SPATA16: variants seen among roughly 807,000 people sequenced by gnomAD.
The protein encoded by SPATA16 is spermatogenesis associated 16.
SPATA16 carries 36 observed loss-of-function variants against 63.3 expected under a neutral mutation model. The observed-to-expected ratio is 0.57, with a 90% CI of 0.44 to 0.75. The LOEUF is 0.75. Ranked by LOEUF, SPATA16 falls within the 30% of genes least tolerant of loss-of-function variation. SPATA16 has a pLI of 0.00. For synonymous variants in SPATA16, 203 were observed against 216.7 expected (o/e 0.94, Z 0.56); for missense variants, 646 against 679.3 (o/e 0.95, Z 0.54).
At chr3:172,932,481 A>C (rs1344681791) in intron 6 of SPATA16, among the ~76,000 whole-genome samples, 1 of 152,156 alleles carries the variant, frequency 6.6e-6, no homozygotes, top group Non-Finnish European at 1.5e-5. Flanking sequence ...TTTACTGATC[A>C]GTTTCAGACT....
chr3:173,104,892 A>G (rs910048241), intron 2 of SPATA16, among the ~76,000 whole-genome samples: 7 of 152,062 alleles, frequency 4.6e-5, no homozygotes, highest in Non-Finnish European at 8.8e-5. Context: ...TCAGCCCATC[A>G]TTTTGCATTT....
chr3:173,097,792 G>A (rs900945251), intron 2 of SPATA16, among the ~76,000 whole-genome samples: 1 of 152,176 alleles, frequency 6.6e-6, no homozygotes, highest in African/African-American at 2.4e-5. Flanking sequence ...ACTTCCAGCA[G>A]AGTTGAAAAA....
chr3:172,951,382 CAT>C (rs890344284), intron 6 of SPATA16, among the ~76,000 whole-genome samples: 1 of 151,802 alleles, frequency 6.6e-6, no homozygotes, highest in African/African-American at 2.4e-5. Flanking sequence ...TCATCAGTCT[CAT>C]AGAAATTATA....
intron 2 of SPATA16, among the ~76,000 whole-genome samples, chr3:173,059,086 C>T (rs1736315436): frequency 6.6e-6 from 1 of 151,978 alleles, no homozygotes; most frequent in Non-Finnish European, 1.5e-5. Flanking sequence ...TTCAGAATGC[C>T]TGTGTGCTAG....
chr3:172,924,507 C>T (rs1483515473), intron 7 of SPATA16, among the ~76,000 whole-genome samples, 190 bp from the exon 8 acceptor site: 1 of 152,148 alleles, frequency 6.6e-6, no homozygotes. Flanking sequence ...AGAGGAGATG[C>T]TGCCCTTTCG....
At chr3:172,955,987 TGTG>T (rs1366450102) in intron 6 of SPATA16, among the ~76,000 whole-genome samples, 2 of 152,148 alleles carry the variant, frequency 1.3e-5, no homozygotes, top group Non-Finnish European at 1.5e-5. Context: ...AATAGAAGGA[TGTG>T]ATATCAGGTG....
At chr3:173,120,928 A>G (rs1738047293) in intron 1 of SPATA16, among the ~76,000 whole-genome samples, 1 of 151,930 alleles carries the variant, frequency 6.6e-6, no homozygotes, top group Admixed American at 6.5e-5. Flanking sequence ...GCAGTTTTAC[A>G]CAAGAAAAAA....
intron 3 of SPATA16, among the ~76,000 whole-genome samples, chr3:173,040,437 TAG>T (rs1443119682): frequency 1.3e-5 from 2 of 152,146 alleles, no homozygotes; most frequent in African/African-American, 2.4e-5. Context: ...CGTATTTTAG[TAG>T]AGTCTCGTGA....
At chr3:172,982,934 CA>C (rs113862600) in intron 4 of SPATA16, among the ~76,000 whole-genome samples, 5 of 151,400 alleles carry the variant, frequency 3.3e-5, no homozygotes, top group Admixed American at 6.6e-5. Flanking sequence ...TATGGGTAAA[CA>C]AAAAAAAATC....
chr3:173,016,252 C>T (rs1215336755), intron 4 of SPATA16, among the ~76,000 whole-genome samples: 1 of 152,128 alleles, frequency 6.6e-6, no homozygotes, highest in Non-Finnish European at 1.5e-5. Context: ...GCATATTGAC[C>T]TGTAAAATAA....
intron 2 of SPATA16, among the ~76,000 whole-genome samples, chr3:173,061,210 A>G (rs1379889828): frequency 6.6e-6 from 1 of 152,222 alleles, no homozygotes; most frequent in African/African-American, 2.4e-5. Context: ...TGAGATTAAC[A>G]TTTGTACGTG....
At chr3:173,009,300 G>A (rs1286518918) in intron 4 of SPATA16, among the ~76,000 whole-genome samples, 1 of 152,216 alleles carries the variant, frequency 6.6e-6, no homozygotes, top group African/African-American at 2.4e-5. Flanking sequence ...GAGGAGCAAA[G>A]CAGGACAGCC....
chr3:173,041,637 G>T (rs1237680278), intron 3 of SPATA16, among the ~76,000 whole-genome samples: 1 of 151,938 alleles, frequency 6.6e-6, no homozygotes. Context: ...ACTGGCACCC[G>T]CAATGTTCCC....
intron 2 of SPATA16, among the ~76,000 whole-genome samples, chr3:173,087,633 T>C (rs915502575): frequency 3.9e-5 from 6 of 152,176 alleles, no homozygotes; most frequent in Non-Finnish European, 7.4e-5. Flanking sequence ...GTCTGTGTAC[T>C]TCATTGTGTT....
At chr3:172,889,855 T>G (rs1328113757) in intron 10 of SPATA16, among the ~76,000 whole-genome samples, 163 bp from the exon 11 acceptor site, 1 of 152,202 alleles carries the variant, frequency 6.6e-6, no homozygotes, top group African/African-American at 2.4e-5. Flanking sequence ...TTCTTCTGTT[T>G]CCATTACAGG....
intron 4 of SPATA16, among the ~76,000 whole-genome samples, chr3:173,010,084 G>A (rs537619222): frequency 1.2e-4 from 18 of 152,244 alleles, no homozygotes; most frequent in East Asian, 1.2e-3. Context: ...GAAAAGGAGG[G>A]GTTAAAAAGG....
intron 6 of SPATA16, among the ~76,000 whole-genome samples, chr3:172,930,232 C>T (rs1368369438): frequency 1.3e-5 from 2 of 152,252 alleles, no homozygotes; most frequent in East Asian, 3.8e-4. Context: ...TTCACTGTCA[C>T]ATCCTTCCTC....
At chr3:173,079,749 A>G (rs1031217088) in intron 2 of SPATA16, among the ~76,000 whole-genome samples, 1 of 152,198 alleles carries the variant, frequency 6.6e-6, no homozygotes, top group Admixed American at 6.6e-5. Flanking sequence ...TTAACATACT[A>G]CAAATCAACA....
chr3:173,052,199 C>T (rs1736116489), intron 2 of SPATA16, among the ~76,000 whole-genome samples: 1 of 152,046 alleles, frequency 6.6e-6, no homozygotes. Flanking sequence ...CAGGAGGAAG[C>T]CACCTTCAGA....
Sources: gnomAD v4.1 joint callset for allele counts (sites outside exome capture counted in the v4.1 genomes callset) on GRCh38, gnomAD v4.1.1 for gene constraint, MANE v1.5 for transcripts, NCBI Gene and HGNC (gene_info 2026-07-23, HGNC 2026-07-21) for gene names.